PACRG: variants seen among roughly 807,000 people sequenced by gnomAD.
The protein encoded by PACRG is parkin coregulated gene protein.
Under a neutral mutation model 29.7 loss-of-function variants are expected in PACRG, and 29 were observed. The observed-to-expected ratio is 0.98, with a 90% CI of 0.73 to 1.33. The LOEUF (loss-of-function observed/expected upper bound fraction) is 1.33, where lower values mean the gene tolerates loss of function less well. Ranked by LOEUF, PACRG falls within the 40% of genes most tolerant of loss-of-function variation. The pLI, the probability that PACRG is intolerant of heterozygous loss-of-function variation, is 0.00. For missense variants in PACRG, 279 were observed against 316.2 expected, an observed-to-expected ratio of 0.88 and a Z score of 0.89; for synonymous variants, 116 against 118.7, an observed-to-expected ratio of 0.98 and a Z score of 0.15.
intron 1 of PACRG, among the ~76,000 whole-genome samples, chr6:162,740,601 G>A (rs561949989): frequency 3.5e-4 from 32 of 90,482 alleles, no homozygotes; most frequent in Non-Finnish European, 4.6e-4. Context: ...ACAGGCATGA[G>A]CCACTTTTTT....
intron 2 of PACRG, among the ~76,000 whole-genome samples, chr6:162,873,464 T>G (rs923182875): frequency 5.3e-5 from 8 of 152,192 alleles, no homozygotes; most frequent in Non-Finnish European, 1.0e-4. Flanking sequence ...CAGCAAGACA[T>G]TTTAAAATTG....
chr6:163,271,549 G>A (rs1428220050), intron 4 of PACRG, among the ~76,000 whole-genome samples: 1 of 152,118 alleles, frequency 6.6e-6, no homozygotes, highest in East Asian at 1.9e-4. Context: ...CTAATGCAAG[G>A]TGTCAGGTAT....
chr6:163,287,574 C>T (rs922015786), intron 4 of PACRG, among the ~76,000 whole-genome samples: 1 of 152,212 alleles, frequency 6.6e-6, no homozygotes, highest in East Asian at 1.9e-4. Flanking sequence ...TGTTTCTTTT[C>T]AATCCTGACC....
intron 2 of PACRG, among the ~76,000 whole-genome samples, chr6:162,903,061 T>A (rs1279732459): frequency 6.6e-6 from 1 of 152,226 alleles, no homozygotes; most frequent in Non-Finnish European, 1.5e-5. Context: ...AAAGCTGGAA[T>A]GTTTTATTGT....
At chr6:163,095,011 G>C (rs1245432185) in intron 4 of PACRG, among the ~76,000 whole-genome samples, 2 of 152,110 alleles carry the variant, frequency 1.3e-5, no homozygotes, top group Non-Finnish European at 2.9e-5. Context: ...GAAAATCTTT[G>C]AGGATGGGGA....
At chr6:162,730,665 T>G (rs908471772) in intron 1 of PACRG, among the ~76,000 whole-genome samples, 1 of 152,012 alleles carries the variant, frequency 6.6e-6, no homozygotes, top group African/African-American at 2.4e-5. Context: ...AAAATAATGA[T>G]AAATGTAAAT....
intron 4 of PACRG, among the ~76,000 whole-genome samples, chr6:163,288,884 A>T (rs1286231357): frequency 6.6e-6 from 1 of 152,186 alleles, no homozygotes; most frequent in Non-Finnish European, 1.5e-5. Context: ...GTGAATTCAG[A>T]TTGCATGTTC....
chr6:162,820,601 C>A (rs775663413), intron 2 of PACRG, among the ~76,000 whole-genome samples: 2 of 151,928 alleles, frequency 1.3e-5, no homozygotes, highest in Non-Finnish European at 2.9e-5. Flanking sequence ...ATAATTTAGT[C>A]CCTTGGTACC....
At chr6:162,890,802 A>G (rs1394047067) in intron 2 of PACRG, among the ~76,000 whole-genome samples, 2 of 152,152 alleles carry the variant, frequency 1.3e-5, no homozygotes. Context: ...GCCGTCCAGC[A>G]GGCAATGAGG....
intron 3 of PACRG, among the ~76,000 whole-genome samples, chr6:163,072,933 T>C (rs1812208716): frequency 6.6e-6 from 1 of 151,988 alleles, no homozygotes; most frequent in African/African-American, 2.4e-5. Context: ...ACTTAAAACA[T>C]TGATGCAAGA....
At chr6:162,976,865 T>C (rs1444923023) in intron 2 of PACRG, among the ~76,000 whole-genome samples, 1 of 152,054 alleles carries the variant, frequency 6.6e-6, no homozygotes, top group East Asian at 1.9e-4. Flanking sequence ...TTATTAGAAG[T>C]ATCAAATAAA....
chr6:163,060,468 A>T (rs983502039), intron 2 of PACRG, among the ~76,000 whole-genome samples: 1 of 152,250 alleles, frequency 6.6e-6, no homozygotes, highest in Non-Finnish European at 1.5e-5. Flanking sequence ...TATATATTCC[A>T]TAAATGTATG....
Position 162,814,225 on chromosome 6 carries a change from G to C in PACRG, c.235G>C (p.Gly79Arg). 1 of 1,613,818 alleles carries C rather than the reference G, an allele frequency of 6.2e-7. No homozygotes were observed. The highest frequency in any genetic ancestry group is 8.5e-7 in the Non-Finnish European group (1 of 1,179,880). The stretch of plus-strand genomic sequence containing the variant: ...AGCATTTCGAAAATTCTATGAGCGA[G>C]GTGACTTCCCAATTGCCCTTGAGCA... ...PTAFRKFYER[G>R]DFPIALEHDS... is the part of the protein sequence containing the mutation. The change falls in exon 2 of 5, where the codon GGT becomes CGT. Residue 79 changes from glycine to arginine, a missense_variant. Transcript: ENST00000366888.
At chr6:163,143,233 A>G (rs1352369420) in intron 4 of PACRG, among the ~76,000 whole-genome samples, 1 of 152,156 alleles carries the variant, frequency 6.6e-6, no homozygotes, top group Non-Finnish European at 1.5e-5. Context: ...TTATAAAAAA[A>G]TAAAAAGTTC....
At chr6:162,890,848 C>T (rs1316136898) in intron 2 of PACRG, among the ~76,000 whole-genome samples, 1 of 152,162 alleles carries the variant, frequency 6.6e-6, no homozygotes, top group Admixed American at 6.5e-5. Flanking sequence ...ACCTTCACGA[C>T]CCCCTTGAGC....
intron 3 of PACRG, among the ~76,000 whole-genome samples, chr6:163,062,881 G>A (rs376397400): frequency 7.9e-5 from 12 of 152,280 alleles, no homozygotes; most frequent in African/African-American, 2.9e-4. Context: ...CATGCACCTT[G>A]CTCACAACAT....
At chr6:163,200,889 C>A (rs1372645654) in intron 4 of PACRG, among the ~76,000 whole-genome samples, 1 of 152,166 alleles carries the variant, frequency 6.6e-6, no homozygotes, top group East Asian at 1.9e-4. Context: ...AAGCGCCCTG[C>A]ACCACCGGCA....
At chr6:163,148,344 C>A (rs541043518) in intron 4 of PACRG, among the ~76,000 whole-genome samples, 8 of 152,066 alleles carry the variant, frequency 5.3e-5, no homozygotes, top group Non-Finnish European at 1.0e-4. Flanking sequence ...TTGAATAATT[C>A]ATTTAAATTT....
At chr6:162,733,715 C>T (rs1401484563) in intron 1 of PACRG, among the ~76,000 whole-genome samples, 2 of 152,142 alleles carry the variant, frequency 1.3e-5, no homozygotes, top group East Asian at 1.9e-4. Flanking sequence ...AGTGCCACGC[C>T]TTTGCCCTTC....
Sources: gnomAD v4.1 joint callset for allele counts (sites outside exome capture counted in the v4.1 genomes callset) on GRCh38, gnomAD v4.1.1 for gene constraint, MANE v1.5 for transcripts, NCBI Gene and HGNC (gene_info 2026-07-23, HGNC 2026-07-21) for gene names.